Variants in ALK observed in about 807,000 individuals in gnomAD.
ALK encodes the protein ALK receptor tyrosine kinase, also known as ALK tyrosine kinase receptor.
A neutral mutation model predicts 163.1 loss-of-function variants in ALK; 74 were observed. The ratio of observed to expected loss-of-function variants is 0.45; its 90% CI spans 0.38 to 0.55. The LOEUF (loss-of-function observed/expected upper bound fraction) is 0.55. Ranked by LOEUF, ALK falls within the 20% of genes least tolerant of loss-of-function variation. ALK has a pLI of 0.00. For missense variants in ALK, 2,063 were observed against 2,105.3 expected (o/e 0.98, Z 0.39); for synonymous variants, 960 against 843.2 (o/e 1.14, Z -2.40).
intron 4 of ALK, among the ~76,000 whole-genome samples, chr2:29,394,806 C>A (rs532288141): frequency 2.6e-5 from 4 of 152,188 alleles, no homozygotes; most frequent in African/African-American, 9.6e-5. Context: ...CTTCCAATAA[C>A]TTTTTAGCAC....
At position 29,193,316 on chromosome 2, in the gene ALK, A is replaced by C; in HGVS notation, c.4771T>G (p.Leu1591Val). Residue 1591 changes from leucine to valine, a missense_variant, in exon 29 of 29, where the codon TTG becomes GTG. Physicochemically the swap from Leu to Val is conservative, Grantham distance 32 (BLOSUM62 1). Transcript: ENST00000389048. ...NVNYGYQQQG[L>V]PLEAATAPGA... is the part of the protein sequence containing the mutation. Reference sequence around the variant, plus strand: ...GGGGCAGTAGCGGCTTCTAAGGGCAAGCCCTGTTGCTGGTAGCCGTAATTG... The same window carrying C: ...GGGGCAGTAGCGGCTTCTAAGGGCACGCCCTGTTGCTGGTAGCCGTAATTG... The C allele has an allele frequency of 6.2e-7, 1 of 1,614,184 alleles. No homozygotes were observed. The highest frequency in any genetic ancestry group is 8.5e-7 in the Non-Finnish European group (1 of 1,180,020).
chr2:29,870,941 C>G (rs990340515), intron 1 of ALK, among the ~76,000 whole-genome samples: 30 of 152,202 alleles, frequency 2.0e-4, no homozygotes, highest in African/African-American at 7.0e-4. Context: ...ACCACAAGGT[C>G]ATGCAGGATC....
intron 1 of ALK, among the ~76,000 whole-genome samples, chr2:29,793,621 T>C (rs1462150752): frequency 3.3e-5 from 5 of 151,586 alleles, no homozygotes; most frequent in Non-Finnish European, 2.9e-5. Context: ...GAAAGGATGC[T>C]GTGTTAGTAG....
chr2:29,470,206 A>T (rs1185246072), intron 4 of ALK, among the ~76,000 whole-genome samples: 2 of 152,166 alleles, frequency 1.3e-5, no homozygotes, highest in Non-Finnish European at 2.9e-5. Flanking sequence ...GAAGAAGAAA[A>T]AAAAGACAGA....
chr2:29,332,804 G>A (rs1238872997), intron 5 of ALK, among the ~76,000 whole-genome samples: 1 of 152,178 alleles, frequency 6.6e-6, no homozygotes, highest in Non-Finnish European at 1.5e-5. Context: ...TTATGATGAC[G>A]CTTTGAAGAA....
intron 4 of ALK, among the ~76,000 whole-genome samples, chr2:29,516,768 A>C (rs559775849): frequency 6.6e-6 from 1 of 152,268 alleles, no homozygotes; most frequent in African/African-American, 2.4e-5. Flanking sequence ...AAAGATAGGT[A>C]AAGGCATTTA....
chr2:29,812,257 T>C (rs1423673381), intron 1 of ALK, among the ~76,000 whole-genome samples: 1 of 152,122 alleles, frequency 6.6e-6, no homozygotes, highest in East Asian at 1.9e-4. Flanking sequence ...GAGCAGCCAA[T>C]GGTAAATGTT....
chr2:29,654,030 C>T (rs1406967267), intron 3 of ALK, among the ~76,000 whole-genome samples: 1 of 152,100 alleles, frequency 6.6e-6, no homozygotes, highest in Non-Finnish European at 1.5e-5. Flanking sequence ...TGCACTCCAG[C>T]CTGGGTGACA....
intron 12 of ALK, among the ~76,000 whole-genome samples, chr2:29,245,253 C>G (rs13386269): frequency 7.6e-6 from 1 of 131,400 alleles, no homozygotes; most frequent in African/African-American, 2.9e-5. Flanking sequence ...GCCCTGCACA[C>G]AGTAGGGGCT....
intron 3 of ALK, among the ~76,000 whole-genome samples, chr2:29,553,196 T>G (rs1673760498): frequency 6.6e-6 from 1 of 152,126 alleles, no homozygotes; most frequent in African/African-American, 2.4e-5. Context: ...GGCTCCACCC[T>G]CATGAATGAA....
Position 29,831,180 on chromosome 2 carries a change from G to A in ALK, c.667+88813C>T, listed in dbSNP as rs184521591. Reference sequence around the variant, plus strand: ...GAAGAAGGAGAAGAGGAAGAGGAAGGGGAAGGGGAAGGGGAAGGGGAAGGG... The same window carrying A: ...GAAGAAGGAGAAGAGGAAGAGGAAGAGGAAGGGGAAGGGGAAGGGGAAGGG... On this transcript the variant is annotated intron_variant, in intron 1 of 28. Coordinates refer to ENST00000389048, the MANE Select transcript of ALK (RefSeq NM_004304.5). Among the ~76,000 whole-genome samples the A allele has an allele frequency of 1.1e-3, 40 of 36,308 alleles. 2 individuals carry two copies. Among genetic ancestry groups the A allele is most frequent in the Non-Finnish European group, 1.8e-3 (34 of 19,384 alleles). The allele number at this position is 36,308 out of a possible 152,430, so 23.8% of individuals were successfully genotyped here. A position where few individuals can be genotyped will look rare whatever the true frequency, so the allele number is the denominator to read the frequency against.
At chr2:29,571,323 C>T (rs1462102179) in intron 3 of ALK, among the ~76,000 whole-genome samples, 3 of 152,116 alleles carry the variant, frequency 2.0e-5, no homozygotes, top group East Asian at 1.9e-4. Context: ...TTGTAATCCC[C>T]ACATGTCGAG....
intron 4 of ALK, among the ~76,000 whole-genome samples, chr2:29,488,312 G>T (rs905144943): frequency 6.6e-6 from 1 of 152,138 alleles, no homozygotes; most frequent in Non-Finnish European, 1.5e-5. Flanking sequence ...TATTACATAA[G>T]CAGTGTTTCA....
At chr2:29,645,266 A>G (rs1347250659) in intron 3 of ALK, among the ~76,000 whole-genome samples, 2 of 152,176 alleles carry the variant, frequency 1.3e-5, no homozygotes, top group African/African-American at 4.8e-5. Context: ...TTAATTAAAT[A>G]GGATCAATAT....
At chr2:29,325,693 T>C (rs776970578) in intron 6 of ALK, among the ~76,000 whole-genome samples, 5 of 152,232 alleles carry the variant, frequency 3.3e-5, no homozygotes, top group Non-Finnish European at 7.3e-5. Context: ...CTGCTCAGCT[T>C]CTGGCTATCA....
chr2:29,311,338 T>C (rs1456537478), intron 8 of ALK, among the ~76,000 whole-genome samples: 1 of 152,066 alleles, frequency 6.6e-6, no homozygotes, highest in Non-Finnish European at 1.5e-5. Flanking sequence ...AAAACGGCAG[T>C]GAGGGTGGGA....
intron 1 of ALK, among the ~76,000 whole-genome samples, chr2:29,746,719 A>C (rs2148328349): frequency 6.6e-6 from 1 of 152,310 alleles, no homozygotes; most frequent in Non-Finnish European, 1.5e-5. Flanking sequence ...TGGGGAGGAA[A>C]GTGCCTGTAA....
intron 1 of ALK, among the ~76,000 whole-genome samples, chr2:29,730,712 A>G (rs1160329664): frequency 6.6e-6 from 1 of 152,208 alleles, no homozygotes; most frequent in Non-Finnish European, 1.5e-5. Flanking sequence ...CCACTGGAGT[A>G]AAGAGTTAAG....
intron 3 of ALK, among the ~76,000 whole-genome samples, chr2:29,550,487 T>C (rs66532197): frequency 0.12 from 18,585 of 152,224 alleles, 1,499 homozygotes; most frequent in Non-Finnish European, 0.19. Context: ...TGTCTGATCT[T>C]GTTGCTGATT....
Sources: gnomAD v4.1 joint callset for allele counts (sites outside exome capture counted in the v4.1 genomes callset) on GRCh38, gnomAD v4.1.1 for gene constraint, MANE v1.5 for transcripts, NCBI Gene and HGNC (gene_info 2026-07-23, HGNC 2026-07-21) for gene names.